Variants in PCLO observed in about 807,000 individuals in gnomAD.
PCLO encodes the protein protein piccolo.
PCLO carries 82 observed loss-of-function variants against 427.5 expected under a neutral mutation model. The observed-to-expected ratio is 0.19, with a 90% CI of 0.16 to 0.23. The LOEUF (loss-of-function observed/expected upper bound fraction) is 0.23, where lower values mean the gene tolerates loss of function less well. Among genes scored for constraint, PCLO ranks in the 10% least tolerant of loss-of-function variants. PCLO has a pLI of 1.00. For synonymous variants in PCLO, 2,357 were observed against 2,155.4 expected, an observed-to-expected ratio of 1.09 and a Z score of -2.59; for missense variants, 6,239 against 6,115.9, an observed-to-expected ratio of 1.02 and a Z score of -0.67.
chr7:83,123,917 C>A (rs1258837402), intron 3 of PCLO, among the ~76,000 whole-genome samples: 1 of 119,942 alleles, frequency 8.3e-6, no homozygotes, highest in Non-Finnish European at 1.6e-5. Context: ...CATGGTGAAA[C>A]CCTGTCTCTA....
At chr7:82,936,401 A>G (rs1474569237) in intron 6 of PCLO, among the ~76,000 whole-genome samples, 1 of 151,770 alleles carries the variant, frequency 6.6e-6, no homozygotes, top group Admixed American at 6.6e-5. Flanking sequence ...TGAATGGCTG[A>G]GAAGCACCTA....
chr7:82,915,840 A>T lies in PCLO; in HGVS notation c.12146T>A (p.Ile4049Asn), dbSNP rs1356012061. The change falls in exon 7 of 25, where the codon ATT (isoleucine) becomes AAT (asparagine). Residue 4049 changes from isoleucine to asparagine, a missense_variant. Physicochemically the swap from Ile to Asn is moderately radical, Grantham distance 149 (BLOSUM62 -3). This residue lies in a region of PCLO where 680 missense variants were observed against 677.3 expected (regional missense o/e 1.00). Transcript: ENST00000333891. ...DHHTPRNYVL[I>N]DDIGEITKGT... ...TTTGGTGATCTCTCCAATGTCGTCA[A>T]TTAGGACATAATTTCGTGGAGTATG... The T allele has an allele frequency of 5.6e-6, 9 of 1,613,522 alleles. No individual in the cohort carries two copies. Among genetic ancestry groups the T allele is most frequent in the Non-Finnish European group, 7.6e-6 (9 of 1,179,728 alleles).
intron 3 of PCLO, among the ~76,000 whole-genome samples, chr7:82,977,707 C>T (rs994144361): frequency 6.6e-6 from 1 of 152,238 alleles, no homozygotes; most frequent in African/African-American, 2.4e-5. Context: ...AGCCACTGCA[C>T]CTGGCCCAAA....
chr7:82,939,512 T>C (rs562499213), intron 6 of PCLO, among the ~76,000 whole-genome samples: 10 of 151,778 alleles, frequency 6.6e-5, no homozygotes, highest in African/African-American at 2.4e-4. Context: ...GACATTAAAA[T>C]AGTTCAGGGA....
intron 3 of PCLO, among the ~76,000 whole-genome samples, chr7:82,998,488 G>T (rs1481439859): frequency 6.6e-6 from 1 of 151,836 alleles, no homozygotes. Context: ...TAACTGACTA[G>T]GGGGAAAGGA....
chr7:82,805,662 G>A, intron 21 of PCLO, 26 bp downstream of exon 21: 1 of 1,608,120 alleles, frequency 6.2e-7, no homozygotes, highest in Non-Finnish European at 8.5e-7. Context: ...AGTAAGCTTT[G>A]TAGTAACAAA....
intron 6 of PCLO, among the ~76,000 whole-genome samples, chr7:82,939,739 T>C (rs1299740393): frequency 6.7e-6 from 1 of 148,228 alleles, no homozygotes; most frequent in Non-Finnish European, 1.5e-5. Flanking sequence ...TTTTATTATA[T>C]ATAAATATGT....
chr7:82,968,005 C>T (rs1370330390), intron 3 of PCLO, among the ~76,000 whole-genome samples: 1 of 152,174 alleles, frequency 6.6e-6, no homozygotes, highest in Non-Finnish European at 1.5e-5. Context: ...AAAAAAATCA[C>T]TTATTGCTCT....
At chr7:82,891,071 C>T (rs1390473039) in intron 9 of PCLO, among the ~76,000 whole-genome samples, 3 of 151,810 alleles carry the variant, frequency 2.0e-5, no homozygotes, top group Non-Finnish European at 2.9e-5. Flanking sequence ...AAAATCTTCT[C>T]CTATATTTGA....
rs563533907 is a variant in PCLO at position 83,135,614 on chromosome 7, G to C, written c.1936C>G (p.Leu646Val). The C allele has an allele frequency of 1.2e-6, 2 of 1,610,394 alleles. No individual in the cohort carries two copies. Among genetic ancestry groups the C allele is most frequent in the East Asian group, 2.2e-5 (1 of 44,784 alleles). The change falls in exon 3 of 25, where the codon CTA (leucine) becomes GTA (valine). Residue 646 changes from leucine to valine, a missense_variant. Leu to Val is a conservative substitution (Grantham distance 32, BLOSUM62 1). Coordinates refer to ENST00000333891, the MANE Select transcript of PCLO (RefSeq NM_033026.6). ...LCLNCQMKRA[L>V]GGDLAPVPSS... is the part of the protein sequence containing the mutation. ...GGAACTGGAGCCAGATCCCCGCCTA[G>C]AGCTCTTTTCATTTGACAGTTCAAA...
chr7:82,800,242 C>A (rs747021539), intron 22 of PCLO, among the ~76,000 whole-genome samples: 27 of 152,130 alleles, frequency 1.8e-4, no homozygotes, highest in Non-Finnish European at 3.2e-4. Flanking sequence ...CACTTAGACC[C>A]AGCATTTGTC....
At chr7:82,812,130 T>C (rs981710475) in intron 20 of PCLO, among the ~76,000 whole-genome samples, 2 of 151,454 alleles carry the variant, frequency 1.3e-5, no homozygotes, top group African/African-American at 4.8e-5. Flanking sequence ...AAATCTCGTA[T>C]ATTCACAGTT....
chr7:82,904,704 G>A (rs1253268290), intron 8 of PCLO, among the ~76,000 whole-genome samples: 1 of 151,954 alleles, frequency 6.6e-6, no homozygotes, highest in Non-Finnish European at 1.5e-5. Flanking sequence ...CTATCACACA[G>A]TTTAGAAGAG....
At chr7:83,047,773 A>C (rs1301889048) in intron 3 of PCLO, among the ~76,000 whole-genome samples, 1 of 152,120 alleles carries the variant, frequency 6.6e-6, no homozygotes, top group African/African-American at 2.4e-5. Context: ...TAAAGAATTT[A>C]AATATTCTCA....
chr7:82,939,660 T>A (rs61292456), intron 6 of PCLO, among the ~76,000 whole-genome samples: 2 of 146,456 alleles, frequency 1.4e-5, no homozygotes, highest in Non-Finnish European at 3.0e-5. Context: ...TATATATATA[T>A]AGAGAGAGAG....
intron 22 of PCLO, among the ~76,000 whole-genome samples, chr7:82,793,655 A>G (rs1470554713): frequency 2.0e-5 from 3 of 151,770 alleles, no homozygotes; most frequent in African/African-American, 7.3e-5. Flanking sequence ...CTGCTAATGA[A>G]CTCTTCATAT....
At chr7:82,834,048 C>T (rs1408755745) in intron 16 of PCLO, among the ~76,000 whole-genome samples, 1 of 152,068 alleles carries the variant, frequency 6.6e-6, no homozygotes, top group Non-Finnish European at 1.5e-5. Flanking sequence ...TTCTCAAAGA[C>T]ATGGTGAAAG....
intron 10 of PCLO, among the ~76,000 whole-genome samples, chr7:82,878,109 G>GCTGCCACTA (rs1375133658): frequency 6.6e-6 from 1 of 152,202 alleles, no homozygotes; most frequent in African/African-American, 2.4e-5. Flanking sequence ...CATTGTAAAT[G>GCTGCCACTA]CTGCCACTAT....
At chr7:82,842,843 C>G (rs1268536910) in intron 13 of PCLO, among the ~76,000 whole-genome samples, 1 of 151,956 alleles carries the variant, frequency 6.6e-6, no homozygotes, top group Non-Finnish European at 1.5e-5. Context: ...CAAATTAAAA[C>G]CACAATGAGA....
Sources: allele counts gnomAD v4.1 joint callset (sites outside exome capture counted in the v4.1 genomes callset), GRCh38; gene constraint gnomAD v4.1.1; regional missense constraint gnomAD v4.1.1; transcripts MANE v1.5; gene names NCBI Gene and HGNC (gene_info 2026-07-23, HGNC 2026-07-21).